LDB2: variants seen among roughly 807,000 people sequenced by gnomAD.
LDB2 encodes the protein LIM domain-binding protein 2.
A neutral mutation model predicts 44.3 loss-of-function variants in LDB2; 12 were observed. The observed-to-expected ratio is 0.27, with a 90% CI of 0.17 to 0.44. LDB2 has a LOEUF of 0.44. Ranked by LOEUF, LDB2 falls within the 20% of genes least tolerant of loss-of-function variation. The pLI is 1.00. For synonymous variants in LDB2, 164 were observed against 174.8 expected, an observed-to-expected ratio of 0.94 and a Z score of 0.49; for missense variants, 344 against 473.5, an observed-to-expected ratio of 0.73 and a Z score of 2.54.
intron 1 of LDB2, among the ~76,000 whole-genome samples, chr4:16,864,131 C>T (rs184061564): frequency 6.6e-6 from 1 of 152,116 alleles, no homozygotes; most frequent in South Asian, 2.1e-4. Context: ...AAACCACCAC[C>T]GCCACACCTG....
intron 5 of LDB2, among the ~76,000 whole-genome samples, chr4:16,581,066 G>A (rs761488956): frequency 3.3e-5 from 5 of 152,132 alleles, no homozygotes; most frequent in African/African-American, 4.8e-5. Flanking sequence ...AGAATTAAGG[G>A]AGAAGGATCA....
intron 2 of LDB2, among the ~76,000 whole-genome samples, chr4:16,705,130 AAT>A (rs35201246): frequency 0.082 from 12,531 of 152,140 alleles, 809 homozygotes; most frequent in East Asian, 0.4. Context: ...AGTTTACATA[AAT>A]ATGTCATATA....
chr4:16,769,359 C>T (rs184597903), intron 1 of LDB2, among the ~76,000 whole-genome samples: 1 of 151,646 alleles, frequency 6.6e-6, no homozygotes, highest in East Asian at 1.9e-4. Flanking sequence ...TGCAGTAGCA[C>T]AGTCTCGGCT....
At chr4:16,796,190 T>A (rs1247927230) in intron 1 of LDB2, among the ~76,000 whole-genome samples, 1 of 151,792 alleles carries the variant, frequency 6.6e-6, no homozygotes, top group Admixed American at 6.6e-5. Context: ...GAGGTTAAGG[T>A]GGGAGGATTC....
intron 2 of LDB2, among the ~76,000 whole-genome samples, chr4:16,731,157 C>G (rs530692868): frequency 1.3e-5 from 2 of 152,106 alleles, no homozygotes; most frequent in East Asian, 3.9e-4. Context: ...GCTGGCTGCA[C>G]AGGTAGAACT....
chr4:16,707,789 T>C (rs1212090328), intron 2 of LDB2, among the ~76,000 whole-genome samples: 2 of 152,184 alleles, frequency 1.3e-5, no homozygotes, highest in African/African-American at 2.4e-5. Context: ...GCTTAAAATC[T>C]GGGTGATTGA....
intron 5 of LDB2, among the ~76,000 whole-genome samples, chr4:16,560,297 A>C (rs927968627): frequency 2.0e-5 from 3 of 152,196 alleles, no homozygotes; most frequent in African/African-American, 7.2e-5. Context: ...TGAAAGGATC[A>C]ACAAAATGGA....
intron 1 of LDB2, among the ~76,000 whole-genome samples, chr4:16,847,071 T>G (rs1198584156): frequency 6.6e-6 from 1 of 152,124 alleles, no homozygotes; most frequent in Non-Finnish European, 1.5e-5. Flanking sequence ...ACCCCAAAAT[T>G]TGAATAGTTG....
intron 2 of LDB2, among the ~76,000 whole-genome samples, chr4:16,605,795 C>T (rs1386527392): frequency 6.6e-6 from 1 of 152,134 alleles, no homozygotes; most frequent in Non-Finnish European, 1.5e-5. Flanking sequence ...TTCCAGAGAC[C>T]TCCCCGCCCT....
chr4:16,819,889 C>T (rs534749721), intron 1 of LDB2, among the ~76,000 whole-genome samples: 4 of 152,240 alleles, frequency 2.6e-5, no homozygotes, highest in Admixed American at 6.5e-5. Flanking sequence ...ACATAAATTG[C>T]GGATGACCTT....
At chr4:16,778,161 G>C (rs888560523) in intron 1 of LDB2, among the ~76,000 whole-genome samples, 1 of 152,124 alleles carries the variant, frequency 6.6e-6, no homozygotes, top group Non-Finnish European at 1.5e-5. Context: ...CCTTCTCCAT[G>C]CATGAATGCT....
chr4:16,629,385 CA>C (rs1392375221), intron 2 of LDB2, among the ~76,000 whole-genome samples: 1 of 152,120 alleles, frequency 6.6e-6, no homozygotes, highest in Non-Finnish European at 1.5e-5. Context: ...GGCCAACAGA[CA>C]CCTAATACAG....
chr4:16,686,516 T>C (rs1213445772), intron 2 of LDB2, among the ~76,000 whole-genome samples: 1 of 152,192 alleles, frequency 6.6e-6, no homozygotes, highest in Admixed American at 6.5e-5. Flanking sequence ...ATGATAAGAA[T>C]CTTTGGGCAG....
At chr4:16,607,157 A>C (rs908428616) in intron 2 of LDB2, among the ~76,000 whole-genome samples, 8 of 152,224 alleles carry the variant, frequency 5.3e-5, no homozygotes, top group Non-Finnish European at 1.2e-4. Context: ...AGTCAAAAGA[A>C]AGGTTTGTAG....
At chr4:16,848,005 GA>G (rs905093712) in intron 1 of LDB2, among the ~76,000 whole-genome samples, 1 of 152,048 alleles carries the variant, frequency 6.6e-6, no homozygotes, top group African/African-American at 2.4e-5. Flanking sequence ...AGAGTCTTGT[GA>G]AAAAAATAAA....
chr4:16,593,753 T>C (rs1719927117), intron 3 of LDB2, among the ~76,000 whole-genome samples: 1 of 152,180 alleles, frequency 6.6e-6, no homozygotes, highest in Non-Finnish European at 1.5e-5. Context: ...GTGACCACCT[T>C]AGATACCTGA....
chr4:16,688,124 ACTTGAAAAACCTGTTGGAC>A (rs1214064135), intron 2 of LDB2, among the ~76,000 whole-genome samples: 3 of 152,242 alleles, frequency 2.0e-5, no homozygotes, highest in African/African-American at 7.2e-5. Flanking sequence ...GGGAATTTGA[ACTTGAAAAACCTGTTGGAC>A]CTTAAAGTTC....
intron 1 of LDB2, among the ~76,000 whole-genome samples, chr4:16,893,810 G>A (rs1222036690): frequency 4.6e-5 from 7 of 151,636 alleles, no homozygotes; most frequent in Non-Finnish European, 8.8e-5. Flanking sequence ...AAATTAGCAT[G>A]GTGCCAACAT....
chr4:16,539,423 C>T (rs560343460), intron 5 of LDB2, among the ~76,000 whole-genome samples: 2 of 152,250 alleles, frequency 1.3e-5, no homozygotes, highest in South Asian at 2.1e-4. Flanking sequence ...TAAGCAGGGA[C>T]TTTACTTCCC....
Sources: allele counts gnomAD v4.1 joint callset (sites outside exome capture counted in the v4.1 genomes callset), GRCh38; gene constraint gnomAD v4.1.1; transcripts MANE v1.5; gene names NCBI Gene and HGNC (gene_info 2026-07-23, HGNC 2026-07-21).